PRKG1: variants seen among roughly 807,000 people sequenced by gnomAD.
PRKG1 encodes protein kinase cGMP-dependent 1.
PRKG1 carries 35 observed loss-of-function variants against 88.1 expected under a neutral mutation model. The observed-to-expected ratio is 0.40, with a 90% CI of 0.30 to 0.53. The LOEUF is 0.53. Ranked by LOEUF, PRKG1 falls within the 20% of genes least tolerant of loss-of-function variation. PRKG1 has a pLI of 0.59. For missense variants in PRKG1, 540 were observed against 839.8 expected (o/e 0.64, Z 4.41); for synonymous variants, 303 against 292.5 (o/e 1.04, Z -0.37).
chr10:51,315,492 C>T (rs1327307982), intron 2 of PRKG1, among the ~76,000 whole-genome samples: 1 of 152,100 alleles, frequency 6.6e-6, no homozygotes, highest in Non-Finnish European at 1.5e-5. Flanking sequence ...GAAGGTAGGA[C>T]ATCTTGAATA....
chr10:51,134,884 C>T (rs1256743596), intron 1 of PRKG1, among the ~76,000 whole-genome samples: 1 of 152,036 alleles, frequency 6.6e-6, no homozygotes, highest in African/African-American at 2.4e-5. Context: ...TAGAATATCA[C>T]CCAATAAACC....
At chr10:51,383,196 A>G (rs1837155666) in intron 2 of PRKG1, among the ~76,000 whole-genome samples, 1 of 152,146 alleles carries the variant, frequency 6.6e-6, no homozygotes. Flanking sequence ...GTCGGTGCTG[A>G]ATAGACAATA....
At chr10:52,193,850 T>C (rs1910551) in intron 9 of PRKG1, among the ~76,000 whole-genome samples, 152,199 of 152,268 alleles carry the variant, frequency 1, 76,065 homozygotes, top group Middle Eastern at 1. Context: ...TTAAAATGTA[T>C]GATTTTTAGA....
intron 7 of PRKG1, among the ~76,000 whole-genome samples, chr10:52,123,999 G>T (rs913830401): frequency 6.6e-6 from 1 of 152,116 alleles, no homozygotes; most frequent in South Asian, 2.1e-4. Flanking sequence ...TCAAGCTATT[G>T]TATATGTTCT....
chr10:52,044,199 G>T (rs945229393), intron 5 of PRKG1, among the ~76,000 whole-genome samples: 7 of 152,136 alleles, frequency 4.6e-5, no homozygotes, highest in Non-Finnish European at 7.4e-5. Context: ...TGTGAGAAGT[G>T]CTAAAAGTTA....
intron 1 of PRKG1, among the ~76,000 whole-genome samples, chr10:50,992,464 T>C (rs1842792799): frequency 6.6e-6 from 1 of 152,130 alleles, no homozygotes; most frequent in Admixed American, 6.5e-5. Flanking sequence ...GTCAGCCCTG[T>C]CCCAAGGTGG....
At chr10:51,027,513 CTTAAG>C (rs951073012) in intron 1 of PRKG1, among the ~76,000 whole-genome samples, 18 of 152,054 alleles carry the variant, frequency 1.2e-4, no homozygotes, top group African/African-American at 2.9e-4. Flanking sequence ...TCAACATTAA[CTTAAG>C]TTTTGTTTAG....
At chr10:51,212,412 A>T (rs539903908) in intron 2 of PRKG1, among the ~76,000 whole-genome samples, 1 of 152,358 alleles carries the variant, frequency 6.6e-6, no homozygotes, top group Non-Finnish European at 1.5e-5. Context: ...ATGGGCAAGG[A>T]CTTCATATCT....
chr10:51,468,820 G>A (rs1172806589), intron 3 of PRKG1, among the ~76,000 whole-genome samples: 1 of 151,674 alleles, frequency 6.6e-6, no homozygotes, highest in Non-Finnish European at 1.5e-5. Context: ...CAGAAGTACA[G>A]CATATAACTG....
chr10:51,520,993 T>C (rs896457234), intron 3 of PRKG1, among the ~76,000 whole-genome samples: 1 of 152,220 alleles, frequency 6.6e-6, no homozygotes, highest in Non-Finnish European at 1.5e-5. Flanking sequence ...TTGCTGATTA[T>C]TAAAACTGCA....
chr10:51,271,259 ATTT>A (rs368680678), intron 2 of PRKG1, among the ~76,000 whole-genome samples: 1 of 144,678 alleles, frequency 6.9e-6, no homozygotes. Context: ...AAGAAATATG[ATTT>A]TTTTTTTTTT....
At chr10:51,261,881 A>ATTTTTTTTTTTTTTTTTT (rs375382268) in intron 2 of PRKG1, among the ~76,000 whole-genome samples, 2 of 120,634 alleles carry the variant, frequency 1.7e-5, no homozygotes, top group African/African-American at 3.5e-5. Context: ...GGATTTTCTA[A>ATTTTTTTTTTTTTTTTTT]TTTTTTTTTT....
chr10:51,984,153 C>T (rs898072662), intron 5 of PRKG1, among the ~76,000 whole-genome samples: 5 of 152,118 alleles, frequency 3.3e-5, no homozygotes, highest in African/African-American at 1.2e-4. Context: ...AGAAAGAAAA[C>T]TTCTCTGTGA....
chr10:51,350,114 G>T (rs1842207549), intron 2 of PRKG1, among the ~76,000 whole-genome samples: 1 of 152,156 alleles, frequency 6.6e-6, no homozygotes. Flanking sequence ...AATTCATAAT[G>T]AATTTGCCAT....
intron 5 of PRKG1, among the ~76,000 whole-genome samples, chr10:52,023,928 T>C (rs1266954139): frequency 6.6e-6 from 1 of 152,230 alleles, no homozygotes; most frequent in Non-Finnish European, 1.5e-5. Context: ...TAAATCCCAT[T>C]TGTCTATTTT....
At chr10:51,954,845 T>C (rs139949395) in intron 5 of PRKG1, among the ~76,000 whole-genome samples, 1 of 152,294 alleles carries the variant, frequency 6.6e-6, no homozygotes, top group South Asian at 2.1e-4. Context: ...ATTCTAAATT[T>C]ACAAAGATGG....
At chr10:51,136,039 G>A (rs1229985296) in intron 1 of PRKG1, among the ~76,000 whole-genome samples, 2 of 151,484 alleles carry the variant, frequency 1.3e-5, no homozygotes, top group African/African-American at 4.9e-5. Flanking sequence ...AATGGGTGCA[G>A]CACACCAGCA....
intron 3 of PRKG1, among the ~76,000 whole-genome samples, chr10:51,489,124 CAG>C (rs1840632130): frequency 6.6e-6 from 1 of 152,032 alleles, no homozygotes; most frequent in Non-Finnish European, 1.5e-5. Flanking sequence ...ATTGAATATA[CAG>C]AGATAAGAAA....
chr10:51,665,237 TA>T (rs1028149652), intron 3 of PRKG1, among the ~76,000 whole-genome samples: 1 of 152,118 alleles, frequency 6.6e-6, no homozygotes, highest in African/African-American at 2.4e-5. Context: ...GCAAACATTA[TA>T]AAGAAACAAA....
Sources: allele counts gnomAD v4.1 joint callset (sites outside exome capture counted in the v4.1 genomes callset), GRCh38; gene constraint gnomAD v4.1.1; transcripts MANE v1.5; gene names NCBI Gene and HGNC (gene_info 2026-07-23, HGNC 2026-07-21).